DDX56: variants seen among roughly 807,000 people sequenced by gnomAD.
DDX56 encodes probable ATP-dependent RNA helicase DDX56.
In DDX56, 45 loss-of-function variants were observed where a neutral mutation model predicts 61.5. The observed-to-expected ratio is 0.73, with a 90% CI of 0.58 to 0.94. The LOEUF is 0.94. Among genes scored for constraint, DDX56 ranks in the 40% least tolerant of loss-of-function variants. The pLI, the probability that DDX56 is intolerant of heterozygous loss-of-function variation, is 0.00. For missense variants in DDX56, 708 were observed against 690.7 expected (o/e 1.02, Z -0.28); for synonymous variants, 273 against 268.3 (o/e 1.02, Z -0.17).
chr7:44,570,664 G>A, intron 7 of DDX56, 94 bp downstream of exon 7: 1 of 1,480,480 alleles, frequency 6.8e-7, no homozygotes, highest in Non-Finnish European at 9.1e-7. Context: ...TGGAAGGTTT[G>A]GCTCCCTGCT....
Position 44,572,373 on chromosome 7 carries a change from G to A in DDX56, c.619C>T (p.Leu207Phe). The A allele has an allele frequency of 1.2e-6, 2 of 1,614,080 alleles. No homozygotes were observed. The highest frequency in any genetic ancestry group is 1.7e-6 in the Non-Finnish European group (2 of 1,180,006). Residue 207 changes from leucine to phenylalanine, a missense_variant, in exon 5 of 14, where the codon CTC (leucine) becomes TTC (phenylalanine). By Grantham distance (22) the Leu-to-Phe change is conservative (BLOSUM62 0). Transcript: ENST00000258772. The part of the protein sequence containing the change: ...SATFNEDVQA[L>F]KELILHNPVT... ...GGGTTATGTAATATCAGCTCCTTGA[G>A]TGCTTGTACGTCCTCGTTAAAAGTA...
chr7:44,572,504 C>A, intron 4 of DDX56, 67 bp from the exon 5 acceptor site: 1 of 1,613,186 alleles, frequency 6.2e-7, no homozygotes. Context: ...TGGCTTCCAG[C>A]CACCCCGCTC....
At position 44,570,762 on chromosome 7, in the gene DDX56, C is replaced by G. The variant is rs1170455793; in HGVS notation, c.1006G>C (p.Asp336His). Residue 336 changes from aspartate to histidine, a missense_variant, in exon 7 of 14, where the codon GAC becomes CAC. By Grantham distance (81) the Asp-to-His change is moderately conservative (BLOSUM62 -1). Transcript: ENST00000258772. ...GAAAAAGAGGCATGGACTCACTTGT[C>G]CCCTTTGGGCCCTCGGCCCCGACGC... ...GKRRGRGPKG[D>H]KASDPEAGVA... The G allele has an allele frequency of 1.9e-6, 3 of 1,608,502 alleles. No individual in the cohort carries two copies. In the Admixed American group the frequency reaches 5.1e-5, roughly 27 times the overall value.
rs925349763 is a variant in DDX56 at position 44,573,034 on chromosome 7, T to C, written c.239A>G (p.Glu80Gly). Residue 80 changes from glutamate (E) to glycine (G), a missense_variant, in exon 3 of 14, where the codon GAA becomes GGA. Transcript: ENST00000258772. ...AAGAACAAGGCCTCTCACTGCCTGT[T>C]CTACCACCGGACCTGTCTGTAAGAA... The part of the protein sequence containing the change: ...LHRKATGPVV[E>G]QAVRGLVLVP... The C allele has an allele frequency of 1.9e-6, 3 of 1,593,634 alleles. No individual in the cohort carries two copies. Among genetic ancestry groups the C allele is most frequent in the Admixed American group, 1.8e-5 (1 of 55,526 alleles).
chr7:44,572,090 T>C (rs1196637909), intron 5 of DDX56, among the ~76,000 whole-genome samples: 1 of 152,210 alleles, frequency 6.6e-6, no homozygotes, highest in Admixed American at 6.5e-5. Flanking sequence ...GCTCTGCTGC[T>C]CAAAGCTGCC....
intron 6 of DDX56, among the ~76,000 whole-genome samples, chr7:44,571,174 G>A (rs1802659797): frequency 6.6e-6 from 1 of 152,200 alleles, no homozygotes; most frequent in Non-Finnish European, 1.5e-5. Context: ...GAGTAGCTGG[G>A]ATTACAGGTG....
rs770985431 is a variant in DDX56, at chr7:44,570,776, C to T, written c.992G>A (p.Arg331Gln). ...GACTCACTTGTCCCCTTTGGGCCCT[C>T]GGCCCCGACGCTTGCCCTTGACTGG... ...GAPVKGKRRG[R>Q]GPKGDKASDP... is the part of the protein sequence containing the mutation. Residue 331 changes from arginine (R) to glutamine (Q), a missense_variant, in exon 7 of 14, where the codon CGA becomes CAA. Arg to Gln is a conservative substitution (Grantham distance 43, BLOSUM62 1). Coordinates refer to ENST00000258772, the MANE Select transcript of DDX56 (RefSeq NM_019082.4). 16 of 1,612,854 alleles carry T rather than the reference C, an allele frequency of 9.9e-6. No individual in the cohort carries two copies. Among genetic ancestry groups the T allele is most frequent in the Admixed American group, 1.7e-5 (1 of 59,852 alleles).
In DDX56 at chr7:44,573,720, G is replaced by C. The variant is rs751071523; in HGVS notation, c.85C>G (p.Arg29Gly). 6.2e-7 allele frequency: 1 copy of C among 1,613,536 alleles called. No individual in the cohort carries two copies. Among genetic ancestry groups the C allele is most frequent in the South Asian group, 1.1e-5 (1 of 91,092 alleles). ...GCCTTCTCCTGGATCAGCGTAGGTCGCGACCAGCCCAGATCGGTGACAGCC... is the reference window on the plus strand; with the variant it reads ...GCCTTCTCCTGGATCAGCGTAGGTCCCGACCAGCCCAGATCGGTGACAGCC... ...LQAVTDLGWS[R>G]PTLIQEKAIP... Residue 29 changes from arginine (R) to glycine (G), a missense_variant, in exon 2 of 14, where the codon CGA becomes GGA. Arg to Gly is a moderately radical substitution (Grantham distance 125). Transcript: ENST00000258772.
At position 44,571,499 on chromosome 7, in the gene DDX56, G is replaced by T; in HGVS notation, c.883C>A (p.Arg295Ser). 1 of 1,613,746 alleles carries T rather than the reference G, an allele frequency of 6.2e-7. No homozygotes were observed. The highest frequency in any genetic ancestry group is 8.5e-7 in the Non-Finnish European group (1 of 1,179,696). ...ATGTTGGCTGTGGCAGACCTGGAGC[G>T]CAGTGGAAGCTCTCCATTGAGCACA... Reference protein sequence around the residue: ...TCVLNGELPLRSRCHIISQFN... With the variant: ...TCVLNGELPLSSRCHIISQFN... The change falls in exon 6 of 14, where the codon CGC (arginine) becomes AGC (serine). Residue 295 changes from arginine to serine, a missense_variant. Arg to Ser is a moderately radical substitution (Grantham distance 110). Transcript: ENST00000258772.
Position 44,565,999 on chromosome 7 carries a change from A to G in DDX56, c.*3T>C, listed in dbSNP as rs770456093. 7 of 1,610,156 alleles carry G rather than the reference A, an allele frequency of 4.3e-6. No individual in the cohort carries two copies. Among genetic ancestry groups the G allele is most frequent in the Non-Finnish European group, 5.1e-6 (6 of 1,177,918 alleles). The stretch of plus-strand genomic sequence containing the variant: ...TGCTCAGCTCCAGAGAGGCCCAACA[A>G]CCTCAGGAGGGCTTGGCTGTGGGTC... On this transcript the variant is annotated 3_prime_UTR_variant, in exon 14 of 14. Coordinates refer to ENST00000258772, the MANE Select transcript of DDX56 (RefSeq NM_019082.4).
At chr7:44,569,032 C>A (rs567558816) in intron 10 of DDX56, 40 bp from the exon 11 acceptor site, 2 of 1,612,016 alleles carry the variant, frequency 1.2e-6, no homozygotes, top group Non-Finnish European at 1.7e-6. Context: ...TGAGGCTGCC[C>A]CAAATCCTCC....
At chr7:44,572,536 G>T in intron 4 of DDX56, 38 bp downstream of exon 4, 1 of 1,613,338 alleles carries the variant, frequency 6.2e-7, no homozygotes, top group East Asian at 2.2e-5. Flanking sequence ...CCTACTCACA[G>T]ATGTTTCCAC....
chr7:44,570,962 C>G, intron 6 of DDX56, 85 bp from the exon 7 acceptor site: 1 of 1,480,778 alleles, frequency 6.8e-7, no homozygotes, highest in African/African-American at 1.4e-5. Context: ...GTAACCATCA[C>G]CCTTTCCTTT....
intron 6 of DDX56, 38 bp from the exon 7 acceptor site, chr7:44,570,915 G>A: frequency 6.3e-7 from 1 of 1,591,434 alleles, no homozygotes; most frequent in Non-Finnish European, 8.6e-7. Flanking sequence ...GCTCAGCAGA[G>A]CAAGCTCAAG....
intron 2 of DDX56, 91 bp from the exon 3 acceptor site, chr7:44,573,141 C>A (rs1045434571): frequency 1.7e-6 from 2 of 1,197,092 alleles, no homozygotes; most frequent in Non-Finnish European, 2.3e-6. Context: ...GACCCATCTG[C>A]TGCAACACTA....
chr7:44,573,803 C>T (rs566759742), intron 1 of DDX56, 33 bp downstream of exon 1: 32 of 1,613,396 alleles, frequency 2.0e-5, no homozygotes, highest in Non-Finnish European at 2.7e-5. Flanking sequence ...CCCCGCAGAG[C>T]CCGTAAGCCG....
At position 44,572,779 on chromosome 7, in the gene DDX56, T is replaced by C. The variant is rs374750312; in HGVS notation, c.384-35A>G. On this transcript the variant is annotated intron_variant, in intron 3 of 13. Coordinates refer to ENST00000258772, the MANE Select transcript of DDX56 (RefSeq NM_019082.4). ...GACAAGACATCAGTATCAGGCAGAA[T>C]GTAGCAGCTGGGATCTCACCCTGGA... 1.9e-6 allele frequency: 3 copies of C among 1,611,570 alleles called. No homozygotes were observed. In the East Asian group the frequency reaches 6.7e-5, roughly 36 times the overall value.
chr7:44,568,655 G>A (rs1157031128), intron 11 of DDX56, among the ~76,000 whole-genome samples: 1 of 152,000 alleles, frequency 6.6e-6, no homozygotes, highest in Non-Finnish European at 1.5e-5. Flanking sequence ...TCCAGAAGTG[G>A]AATTTCGGAT....
chr7:44,570,630 C>A (rs2289054), intron 7 of DDX56, 128 bp downstream of exon 7: 114,191 of 1,290,576 alleles, frequency 0.088, 5,389 homozygotes, highest in Middle Eastern at 0.11. Context: ...GTGGGGCTCT[C>A]TGGGCTACAC....
Sources: gnomAD v4.1 joint callset for allele counts (sites outside exome capture counted in the v4.1 genomes callset) on GRCh38, gnomAD v4.1.1 for gene constraint, MANE v1.5 for transcripts, NCBI Gene and HGNC (gene_info 2026-07-23, HGNC 2026-07-21) for gene names.